Variants in ACOX2 observed in about 807,000 individuals in gnomAD.
The protein encoded by ACOX2 is acyl-CoA oxidase 2.
In ACOX2, 59 loss-of-function variants were observed where a neutral mutation model predicts 77.5. The ratio of observed to expected loss-of-function variants is 0.76; its 90% CI spans 0.62 to 0.95. The LOEUF is 0.95. ACOX2 is among the 40% of genes least tolerant of loss of function. The probability of loss-of-function intolerance (pLI) is 0.00; values close to 1 mark genes in which losing one functional copy is unlikely to be tolerated. For missense variants in ACOX2, 837 were observed against 880.4 expected, an observed-to-expected ratio of 0.95 and a Z score of 0.62; for synonymous variants, 317 against 340.1, an observed-to-expected ratio of 0.93 and a Z score of 0.75.
intron 1 of ACOX2, among the ~76,000 whole-genome samples, chr3:58,536,320 T>C (rs2063481023): frequency 6.6e-6 from 1 of 152,196 alleles, no homozygotes; most frequent in Non-Finnish European, 1.5e-5. Context: ...AGCAGGTATG[T>C]TGTAAATCTC....
At position 58,526,655 on chromosome 3, in the gene ACOX2, A is replaced by C; in HGVS notation, c.1157T>G (p.Leu386Arg). The C allele has an allele frequency of 2.5e-6, 4 of 1,613,228 alleles. No individual in the cohort carries two copies. Among genetic ancestry groups the C allele is most frequent in the Non-Finnish European group, 3.4e-6 (4 of 1,179,580 alleles). ...CTTCATGCCCGTGCTCAGTGCGTGG[A>C]GCTGTGAGAACATGGAGGGGGGTTG... Reference protein sequence around the residue: ...LNQDFSFLPELHALSTGMKAM... With the variant: ...LNQDFSFLPERHALSTGMKAM... The change falls in exon 10 of 15, where the codon CTC becomes CGC. Residue 386 changes from leucine to arginine, a missense_variant and splice_region_variant. By Grantham distance (102) the Leu-to-Arg change is moderately radical. Transcript: ENST00000302819. The surrounding 1 kb of genome is among the most constrained non-coding windows in gnomAD (Gnocchi z 4.3).
rs149911289 is a variant in ACOX2 at position 58,534,959 on chromosome 3, G to A, written c.148C>T (p.Arg50Cys). The A allele has an allele frequency of 2.8e-5, 46 of 1,614,074 alleles. 1 individual carries two copies. Among genetic ancestry groups the A allele is most frequent in the Admixed American group, 1.0e-4 (6 of 60,002 alleles). ...LDGGAQNTAL[R>C]RKVESIIHSY... ...AGCTTCCCCTTACCAACTTTCCTGC[G>A]GAGTGCAGTGTTCTGGGCACCTCCA... is the stretch of plus-strand genomic sequence containing the variant. The change falls in exon 2 of 15, where the codon CGC (arginine) becomes TGC (cysteine). Residue 50 changes from arginine to cysteine, a missense_variant. By Grantham distance (180) the Arg-to-Cys change is radical. Transcript: ENST00000302819. This position sits in a 1 kb window ranked among gnomAD's most constrained non-coding sequence, Gnocchi z 4.8.
At chr3:58,527,909 T>C (rs959624101) in intron 9 of ACOX2, among the ~76,000 whole-genome samples, 72 of 150,928 alleles carry the variant, frequency 4.8e-4, no homozygotes, top group African/African-American at 1.6e-3. Context: ...ACCATCTTGC[T>C]CAGGCTGGTC....
intron 5 of ACOX2, among the ~76,000 whole-genome samples, chr3:58,532,263 C>A (rs2063445810): frequency 6.6e-6 from 1 of 152,134 alleles, no homozygotes; most frequent in Non-Finnish European, 1.5e-5. Flanking sequence ...GTACCCTGGT[C>A]TGTCTGATCT....
rs2063308831 is a variant in ACOX2 at position 58,514,536 on chromosome 3, T to A, written c.1850+2670A>T. Among the ~76,000 whole-genome samples the A allele has an allele frequency of 2.0e-5, 3 of 152,160 alleles. No individual in the cohort carries two copies. In the South Asian group the frequency reaches 6.2e-4, roughly 32 times the overall value. On this transcript the variant is annotated intron_variant, in intron 13 of 14. Coordinates refer to ENST00000302819, the MANE Select transcript of ACOX2 (RefSeq NM_003500.4). This position sits in a 1 kb window ranked among gnomAD's most constrained non-coding sequence, Gnocchi z 4.3. ...TCAGAAATCTTAGGGAGATAGTGAC[T>A]AATCAAGGCAGGGAACTGTGACACC...
chr3:58,509,023 T>C lies in ACOX2; in HGVS notation c.1853A>G (p.Lys618Arg). The change falls in exon 14 of 15, where the codon AAG becomes AGG. Residue 618 changes from lysine to arginine, a missense_variant and splice_region_variant. Lys to Arg is a conservative substitution (Grantham distance 26). Transcript: ENST00000302819. ...AGCATCAGTTAACAGGATGGCATCC[T>C]TCCTGGGATAGGAAACAAGAGTTTG... is the stretch of plus-strand genomic sequence containing the variant. ...AYLDLLRLIR[K>R]DAILLTDAFD... 1 of 1,614,144 alleles carries C rather than the reference T, an allele frequency of 6.2e-7. No homozygotes were observed. Among genetic ancestry groups the C allele is most frequent in the Non-Finnish European group, 8.5e-7 (1 of 1,179,970 alleles).
intron 13 of ACOX2, among the ~76,000 whole-genome samples, chr3:58,513,116 C>T (rs4317122): frequency 0.31 from 47,069 of 151,928 alleles, 7,395 homozygotes; most frequent in South Asian, 0.34. Flanking sequence ...AATTGTAGCT[C>T]CCCCTCCTCC....
At chr3:58,509,150 CA>C in intron 13 of ACOX2, 125 bp from the exon 14 acceptor site, 1 of 1,175,610 alleles carries the variant, frequency 8.5e-7, no homozygotes, top group Non-Finnish European at 1.2e-6. Flanking sequence ...AACAATTCAG[CA>C]TTTTTTTTTA....
chr3:58,532,523 C>A (rs1235582696), intron 5 of ACOX2, among the ~76,000 whole-genome samples: 1 of 152,000 alleles, frequency 6.6e-6, no homozygotes, highest in African/African-American at 2.4e-5. Context: ...GTAGGTGGGA[C>A]TACAGATGCC....
rs191460566 is a variant in ACOX2 at position 58,522,090 on chromosome 3, C to T, written c.1632+406G>A. ...GGCAGTGGCTTCACTGTTGAGCACC[C>T]AGGTCAGTGCCCAGGGCAGAGTGGG... On this transcript the variant is annotated intron_variant, in intron 12 of 14. Coordinates refer to ENST00000302819, the MANE Select transcript of ACOX2 (RefSeq NM_003500.4). This position sits in a 1 kb window ranked among gnomAD's most constrained non-coding sequence, Gnocchi z 4.3. Among the ~76,000 whole-genome samples, 5 of 152,328 alleles carry T rather than the reference C, an allele frequency of 3.3e-5. No individual in the cohort carries two copies. Among genetic ancestry groups the T allele is most frequent in the Admixed American group, 6.5e-5 (1 of 15,294 alleles).
At position 58,515,109 on chromosome 3, in the gene ACOX2, TGCCTCCCGGGTTCAAGCGATTCTGCCTCA is replaced by T. The variant is rs1181955153; in HGVS notation, c.1850+2068_1850+2096del. Among the ~76,000 whole-genome samples the T allele has an allele frequency of 6.6e-6, 1 of 152,158 alleles. No individual in the cohort carries two copies. Among genetic ancestry groups the T allele is most frequent in the Non-Finnish European group, 1.5e-5 (1 of 68,024 alleles). On this transcript the variant is annotated intron_variant, in intron 13 of 14. Coordinates refer to ENST00000302819, the MANE Select transcript of ACOX2 (RefSeq NM_003500.4). The surrounding 1 kb of genome is among the most constrained non-coding windows in gnomAD (Gnocchi z 4.0). Reference sequence around the variant, plus strand: ...TACGATCTTGGCTCACGGCAGCCTCTGCCTCCCGGGTTCAAGCGATTCTGCCTCAGCCTCCCAAGTAACTGGGATTACAG... The same window carrying T: ...TACGATCTTGGCTCACGGCAGCCTCTGCCTCCCAAGTAACTGGGATTACAG...
At chr3:58,530,712 G>A in intron 7 of ACOX2, 74 bp from the exon 8 acceptor site, 1 of 1,491,884 alleles carries the variant, frequency 6.7e-7, no homozygotes, top group Non-Finnish European at 9.1e-7. Flanking sequence ...CAGAGCTGTG[G>A]GGCTCCACAC....
In ACOX2 at chr3:58,533,578, C is replaced by G. The variant is rs113814834; in HGVS notation, c.476-26G>C. The G allele has an allele frequency of 2.5e-3, 4,085 of 1,610,118 alleles. 17 individuals carry two copies. The highest frequency in any genetic ancestry group is 3.1e-3 in the Non-Finnish European group (3,643 of 1,176,626). ...CTTAGGATCAAGGAGAGGTGTTAGACATTGGCCTGAGGTGGGGTTCTTACC... is the reference window on the plus strand; with the variant it reads ...CTTAGGATCAAGGAGAGGTGTTAGAGATTGGCCTGAGGTGGGGTTCTTACC... On this transcript the variant is annotated intron_variant, in intron 4 of 14. Transcript: ENST00000302819. This position sits in a 1 kb window ranked among gnomAD's most constrained non-coding sequence, Gnocchi z 5.6.
In ACOX2 at chr3:58,522,489, C is replaced by T. The variant is rs369423956; in HGVS notation, c.1632+7G>A. The T allele has an allele frequency of 2.6e-5, 42 of 1,613,608 alleles. No individual in the cohort carries two copies. The highest frequency in any genetic ancestry group is 3.3e-5 in the Admixed American group (2 of 60,032). ...ATCCCTTTCAGCTTCAGCTGGCAGG[C>T]GCTCACCTTAGCAGCCTGGAGGTGT... is the stretch of plus-strand genomic sequence containing the variant. On this transcript the variant is annotated splice_region_variant and intron_variant, in intron 12 of 14. Transcript: ENST00000302819. The surrounding 1 kb of genome is among the most constrained non-coding windows in gnomAD (Gnocchi z 4.3).
rs1208717528 is a variant in ACOX2, at chr3:58,531,244, C to G, written c.819+7G>C. ...GTACAAGTCCCCGGCCTCCCCAGAT[C>G]TGTAACCTGTGCAAAGCGACTCAGC... is the stretch of plus-strand genomic sequence containing the variant. On this transcript the variant is annotated splice_region_variant and intron_variant, in intron 7 of 14. Transcript: ENST00000302819. This position sits in a 1 kb window ranked among gnomAD's most constrained non-coding sequence, Gnocchi z 5.8. 1 of 1,611,322 alleles carries G rather than the reference C, an allele frequency of 6.2e-7. No individual in the cohort carries two copies. The highest frequency in any genetic ancestry group is 1.3e-5 in the African/African-American group (1 of 74,876).
rs1425554521 is a variant in ACOX2, at chr3:58,528,917, C to A, written c.1032G>T (p.Gln344His). ...EAKVLDYQTQQQKLFPQLAIS... is the reference protein window; with the variant it reads ...EAKVLDYQTQHQKLFPQLAIS... ...TGGCCAGCTGAGGAAAGAGTTTCTGCTGTTGTGTCTGGTAGTCCAGGACCT... is the reference window on the plus strand; with the variant it reads ...TGGCCAGCTGAGGAAAGAGTTTCTGATGTTGTGTCTGGTAGTCCAGGACCT... Residue 344 changes from glutamine (Q) to histidine (H), a missense_variant, in exon 9 of 15, where the codon CAG becomes CAT. Gln to His is a conservative substitution (Grantham distance 24). Transcript: ENST00000302819. This position sits in a 1 kb window ranked among gnomAD's most constrained non-coding sequence, Gnocchi z 5.6. 6.2e-7 allele frequency: 1 copy of A among 1,613,586 alleles called. No individual in the cohort carries two copies. The highest frequency in any genetic ancestry group is 2.2e-5 in the East Asian group (1 of 44,880).
At position 58,510,685 on chromosome 3, in the gene ACOX2, TATATATATATATATATATATATATACAC is replaced by T. The variant is rs1560209747; in HGVS notation, c.1851-1688_1851-1661del. Among the ~76,000 whole-genome samples, 48 of 9,926 alleles carry T rather than the reference TATATATATATATATATATATATATACAC, an allele frequency of 4.8e-3. 7 individuals carry two copies. Among genetic ancestry groups the T allele is most frequent in the African/African-American group, 0.013 (47 of 3,598 alleles). The allele number at this position is 9,926 out of a possible 152,430, so 6.5% of individuals were successfully genotyped here. A position where few individuals can be genotyped will look rare whatever the true frequency, so the allele number is the denominator to read the frequency against. On this transcript the variant is annotated intron_variant, in intron 13 of 14. Transcript: ENST00000302819. ...AAAAATATATATATATATATATATA[TATATATATATATATATATATATATACAC>T]ACACACACACACACACACACACACA...
chr3:58,510,709 T>TATACACAC (rs2063279955), intron 13 of ACOX2, among the ~76,000 whole-genome samples: 1 of 7,280 alleles, frequency 1.4e-4, no homozygotes, highest in Admixed American at 2.7e-3. Flanking sequence ...TATATATATA[T>TATACACAC]ACACACACAC....
At chr3:58,509,560 A>G (rs1031949707) in intron 13 of ACOX2, among the ~76,000 whole-genome samples, 2 of 150,806 alleles carry the variant, frequency 1.3e-5, no homozygotes, top group Non-Finnish European at 2.9e-5. Flanking sequence ...AATAACGAGC[A>G]TATACCTGTC....
Sources: gnomAD v4.1 joint callset for allele counts (sites outside exome capture counted in the v4.1 genomes callset) on GRCh38, gnomAD v4.1.1 for gene constraint, Gnocchi (gnomAD v3.1) non-coding constraint, MANE v1.5 for transcripts, NCBI Gene and HGNC (gene_info 2026-07-23, HGNC 2026-07-21) for gene names.